Variants in AMD1 observed in about 807,000 individuals in gnomAD.
AMD1 encodes the protein adenosylmethionine decarboxylase 1.
Under a neutral mutation model 40.2 loss-of-function variants are expected in AMD1, and 11 were observed. The ratio of observed to expected loss-of-function variants is 0.27; its 90% confidence interval spans 0.17 to 0.45. The LOEUF is 0.45. Ranked by LOEUF, AMD1 falls within the 20% of genes least tolerant of loss-of-function variation. AMD1 has a pLI of 1.00. For synonymous variants in AMD1, 121 were observed against 130.8 expected (o/e 0.93, Z 0.51); for missense variants, 257 against 410.2 (o/e 0.63, Z 3.23).
chr6:110,873,269 C>G (rs1784951933), upstream of AMD1, among the ~76,000 whole-genome samples: 1 of 152,164 alleles, frequency 6.6e-6, no homozygotes, highest in Non-Finnish European at 1.5e-5. Context: ...GAGGCTAAGG[C>G]AGGAGAATCG....
the AMD1 span, among the ~76,000 whole-genome samples, chr6:110,850,694 A>T: frequency 1.3e-5 from 2 of 152,198 alleles, no homozygotes; most frequent in Non-Finnish European, 2.9e-5. Context: ...GTAACACTGA[A>T]TTGGGCAAAT....
intron 1 of AMD1, among the ~76,000 whole-genome samples, chr6:110,885,578 G>A (rs886071403): frequency 6.6e-6 from 1 of 152,158 alleles, no homozygotes; most frequent in African/African-American, 2.4e-5. Context: ...TTACAGGCGT[G>A]TGCCACCACA....
chr6:110,834,264 C>A, the AMD1 span, among the ~76,000 whole-genome samples: 1 of 152,008 alleles, frequency 6.6e-6, no homozygotes, highest in South Asian at 2.1e-4. Flanking sequence ...GCTTGTGCCC[C>A]GGAGTCCCAG....
At chr6:110,816,097 A>G in the AMD1 span, 2 of 152,170 alleles carry the variant, frequency 1.3e-5, no homozygotes, top group Admixed American at 1.3e-4. Flanking sequence ...AACCTTCAGC[A>G]GTTTCCTAGA....
At chr6:110,857,597 T>G in the AMD1 span, among the ~76,000 whole-genome samples, 1 of 85,942 alleles carries the variant, frequency 1.2e-5, no homozygotes, top group African/African-American at 6.3e-5. Flanking sequence ...ATAGATGGTA[T>G]ATATATATAT....
intron 1 of AMD1, among the ~76,000 whole-genome samples, chr6:110,876,061 T>C (rs1194224502): frequency 6.6e-6 from 1 of 152,198 alleles, no homozygotes; most frequent in Non-Finnish European, 1.5e-5. Flanking sequence ...CAGGACATAA[T>C]GCCTCTAATG....
chr6:110,857,674 G>A, the AMD1 span, among the ~76,000 whole-genome samples: 1 of 119,344 alleles, frequency 8.4e-6, no homozygotes. Context: ...ATATACAGAT[G>A]GCATATATAT....
At position 110,874,975 on chromosome 6, in the gene AMD1, CAAAAA is replaced by C. The variant is rs201633158; in HGVS notation, c.-124_-120del. The C allele has an allele frequency of 1.9e-6, 1 of 529,912 alleles. No homozygotes were observed. The highest frequency in any genetic ancestry group is 3.2e-6 in the Non-Finnish European group (1 of 313,014). 32.8% of individuals were successfully genotyped at this position (529,912 alleles called of 1,614,324 possible). A position where few individuals can be genotyped will look rare whatever the true frequency, so the allele number is the denominator to read the frequency against. On this transcript the variant is annotated 5_prime_UTR_variant, in exon 1 of 9. Transcript: ENST00000368885. The stretch of plus-strand genomic sequence containing the variant: ...AAAAAAAGTTAATATAAAATTATAG[CAAAAA>C]AAAAAAGGAACCTGAACTTTAGTAA...
intron 3 of AMD1, 45 bp from the exon 4 acceptor site, chr6:110,890,209 A>T: frequency 7.2e-7 from 1 of 1,389,372 alleles, no homozygotes; most frequent in Non-Finnish European, 9.9e-7. Context: ...AGAATTCTAC[A>T]TCTAAAGTCA....
chr6:110,844,421 G>C, the AMD1 span, among the ~76,000 whole-genome samples: 21,990 of 151,522 alleles, frequency 0.15, 1,786 homozygotes, highest in East Asian at 0.32. Flanking sequence ...GCCTCCTAAA[G>C]TGCTGGGATT....
the AMD1 span, among the ~76,000 whole-genome samples, chr6:110,836,757 G>A: frequency 1.3e-5 from 2 of 151,966 alleles, no homozygotes; most frequent in Admixed American, 6.6e-5. Context: ...GTTTTTTAAT[G>A]TACTTGTATT....
At chr6:110,833,605 T>C in the AMD1 span, among the ~76,000 whole-genome samples, 1 of 152,258 alleles carries the variant, frequency 6.6e-6, no homozygotes, top group Non-Finnish European at 1.5e-5. Flanking sequence ...TATACCTATA[T>C]ACTTTTATAA....
At chr6:110,828,865 T>TTTTTTTTTTTTTTTTTTGAGACGGA in the AMD1 span, among the ~76,000 whole-genome samples, 1 of 152,194 alleles carries the variant, frequency 6.6e-6, no homozygotes, top group Admixed American at 6.5e-5. Context: ...GCCTTTCATC[T>TTTTTTTTTTTTTTTTTTGAGACGGA]GTCCTGCTGT....
the AMD1 span, among the ~76,000 whole-genome samples, chr6:110,833,140 A>G: frequency 6.6e-6 from 1 of 152,184 alleles, no homozygotes; most frequent in Non-Finnish European, 1.5e-5. Flanking sequence ...ATTTTTAACC[A>G]GAAGCAAGAA....
At chr6:110,840,317 C>A in the AMD1 span, among the ~76,000 whole-genome samples, 1 of 152,020 alleles carries the variant, frequency 6.6e-6, no homozygotes. Flanking sequence ...TGTCAGATCC[C>A]AGGGGTTGGG....
intron 8 of AMD1, 106 bp downstream of exon 8, chr6:110,893,171 C>A: frequency 9.6e-7 from 1 of 1,042,452 alleles, no homozygotes; most frequent in Non-Finnish European, 1.4e-6. Context: ...ATATACCAGC[C>A]ACTCAGATAT....
chr6:110,838,541 A>G, the AMD1 span, among the ~76,000 whole-genome samples: 1 of 151,930 alleles, frequency 6.6e-6, no homozygotes, highest in Non-Finnish European at 1.5e-5. Flanking sequence ...GGACCTCTTA[A>G]AAGTTGTATT....
At chr6:110,828,180 C>T in the AMD1 span, among the ~76,000 whole-genome samples, 3 of 152,148 alleles carry the variant, frequency 2.0e-5, no homozygotes, top group Admixed American at 1.3e-4. Context: ...TCTGTAATTC[C>T]AAAACTTTGG....
At chr6:110,836,054 G>C in the AMD1 span, among the ~76,000 whole-genome samples, 5 of 149,926 alleles carry the variant, frequency 3.3e-5, no homozygotes, top group Non-Finnish European at 5.9e-5. Flanking sequence ...AAGCTAGCTC[G>C]GTTTTCATTA....
Sources: allele counts gnomAD v4.1 joint callset (sites outside exome capture counted in the v4.1 genomes callset), GRCh38; gene constraint gnomAD v4.1.1; transcripts MANE v1.5; gene names NCBI Gene and HGNC (gene_info 2026-07-23, HGNC 2026-07-21).